Variants in PTPRN2 observed in about 807,000 individuals in gnomAD.
The protein encoded by PTPRN2 is receptor-type tyrosine-protein phosphatase N2.
PTPRN2 carries 74 observed loss-of-function variants against 118.8 expected under a neutral mutation model. The observed-to-expected ratio is 0.62, with a 90% confidence interval of 0.52 to 0.76. PTPRN2 has a LOEUF of 0.76. Among genes scored for constraint, PTPRN2 ranks in the 30% least tolerant of loss-of-function variants. The pLI, the probability that PTPRN2 is intolerant of heterozygous loss-of-function variation, is 0.00. For synonymous variants in PTPRN2, 641 were observed against 608.0 expected, an observed-to-expected ratio of 1.05 and a Z score of -0.80; for missense variants, 1,481 against 1,394.4, an observed-to-expected ratio of 1.06 and a Z score of -0.99.
rs117677081 is a variant in PTPRN2, at chr7:157,576,880, G to A, written c.2617-101C>T. On this transcript the variant is annotated intron_variant, in intron 18 of 22. Transcript: ENST00000389418. ...CCAGGGCCACGTCTGACCAGAGAAG[G>A]GGGCGCTGCGAAGAGGGCACATTTT... 3 of 1,215,806 alleles carry A rather than the reference G, an allele frequency of 2.5e-6. No homozygotes were observed. The African/African-American group carries it at 4.6e-5, about 19-fold the overall frequency. 75.3% of individuals were successfully genotyped at this position (1,215,806 alleles called of 1,614,324 possible). A position where few individuals can be genotyped will look rare whatever the true frequency, so the allele number is the denominator to read the frequency against.
intron 2 of PTPRN2, among the ~76,000 whole-genome samples, chr7:158,341,268 A>C (rs868621957): frequency 0.023 from 2,461 of 106,996 alleles, no homozygotes; most frequent in Middle Eastern, 0.044. Flanking sequence ...CGTCATTCAC[A>C]CCCACACTCT....
chr7:158,313,689 T>C (rs1201468191), intron 3 of PTPRN2, among the ~76,000 whole-genome samples: 4 of 152,250 alleles, frequency 2.6e-5, no homozygotes, highest in Admixed American at 1.3e-4. Context: ...GTGCCAGGAA[T>C]GTGGACATAG....
intron 11 of PTPRN2, among the ~76,000 whole-genome samples, chr7:157,941,856 G>A (rs1800150374): frequency 6.6e-6 from 1 of 152,106 alleles, no homozygotes; most frequent in South Asian, 2.1e-4. Context: ...AAGCCTCACT[G>A]TGTGGCCAGG....
At chr7:158,248,868 C>A (rs58058399) in intron 3 of PTPRN2, among the ~76,000 whole-genome samples, 1 of 10,456 alleles carries the variant, frequency 9.6e-5, no homozygotes, top group African/African-American at 5.6e-4. Context: ...ATGCACACAC[C>A]ACACATATGC....
intron 12 of PTPRN2, among the ~76,000 whole-genome samples, chr7:157,799,210 G>A (rs573306703): frequency 9.9e-5 from 15 of 152,108 alleles, no homozygotes; most frequent in African/African-American, 3.1e-4. Flanking sequence ...AGGCTGGAGC[G>A]TGGGTGGGAG....
At chr7:158,345,057 A>C (rs1807398571) in intron 2 of PTPRN2, among the ~76,000 whole-genome samples, 1 of 152,156 alleles carries the variant, frequency 6.6e-6, no homozygotes, top group African/African-American at 2.4e-5. Context: ...ATTCTGGAGG[A>C]TAAAATGTTG....
At chr7:158,254,661 T>C (rs543410906) in intron 3 of PTPRN2, among the ~76,000 whole-genome samples, 2 of 148,760 alleles carry the variant, frequency 1.3e-5, no homozygotes, top group East Asian at 4.2e-4. Flanking sequence ...CCGCCCTCCA[T>C]CTCCACGTTC....
chr7:158,290,195 G>GA (rs527465125), intron 3 of PTPRN2, among the ~76,000 whole-genome samples: 2 of 152,082 alleles, frequency 1.3e-5, no homozygotes, highest in East Asian at 3.9e-4. Flanking sequence ...AAAGGGGCTG[G>GA]CTGGCACCAG....
At chr7:158,121,427 A>T (rs1441969143) in intron 9 of PTPRN2, among the ~76,000 whole-genome samples, 1 of 152,088 alleles carries the variant, frequency 6.6e-6, no homozygotes, top group African/African-American at 2.4e-5. Context: ...TCCCCCTACA[A>T]ACTGCAAACT....
rs149465531 is a variant in PTPRN2 at position 157,913,576 on chromosome 7, T to C, written c.1724-14839A>G. The stretch of plus-strand genomic sequence containing the variant: ...AAATAAGAACAAACTAGTCTTACTT[T>C]ATTCAACATTTTTATTATGAATGAA... On this transcript the variant is annotated intron_variant, in intron 11 of 22. Transcript: ENST00000389418. Among the ~76,000 whole-genome samples, 9 of 152,390 alleles carry C rather than the reference T, an allele frequency of 5.9e-5. 1 individual carries two copies. In the East Asian group the frequency reaches 1.7e-3, roughly 29 times the overall value.
chr7:158,329,444 C>T (rs1206791806), intron 2 of PTPRN2, among the ~76,000 whole-genome samples: 8 of 152,296 alleles, frequency 5.3e-5, no homozygotes, highest in Middle Eastern at 3.4e-3. Context: ...TGTTAGCAGG[C>T]GGACGGCTGA....
At chr7:157,922,705 C>T (rs916884379) in intron 11 of PTPRN2, among the ~76,000 whole-genome samples, 3 of 152,166 alleles carry the variant, frequency 2.0e-5, no homozygotes, top group Non-Finnish European at 4.4e-5. Flanking sequence ...TCACCAGCGG[C>T]AATCGTCTTT....
chr7:157,779,998 T>C lies in PTPRN2; in HGVS notation c.1789-97061A>G, dbSNP rs998953445. On this transcript the variant is annotated intron_variant, in intron 12 of 22. Transcript: ENST00000389418. This position sits in a 1 kb window ranked among gnomAD's most constrained non-coding sequence, Gnocchi z 4.7. ...TGACCCCAGTTCCCAAGGTCCACAA[T>C]GTCCATGGAGAGTAGGATTTTACAC... Among the ~76,000 whole-genome samples the C allele has an allele frequency of 6.6e-6, 1 of 152,178 alleles. No individual in the cohort carries two copies. Among genetic ancestry groups the C allele is most frequent in the Non-Finnish European group, 1.5e-5 (1 of 68,026 alleles).
chr7:157,883,699 A>G (rs1796295840), intron 12 of PTPRN2, among the ~76,000 whole-genome samples: 1 of 150,950 alleles, frequency 6.6e-6, no homozygotes, highest in Non-Finnish European at 1.5e-5. Flanking sequence ...GTCAGAGACC[A>G]GAACACACCA....
intron 10 of PTPRN2, among the ~76,000 whole-genome samples, chr7:158,108,730 C>T (rs1407509000): frequency 6.6e-6 from 1 of 152,232 alleles, no homozygotes; most frequent in Non-Finnish European, 1.5e-5. Flanking sequence ...TCATGCATGT[C>T]CCCTAGTGCC....
chr7:158,369,249 T>TTATATATATA (rs770252182), intron 2 of PTPRN2, among the ~76,000 whole-genome samples: 9,540 of 143,538 alleles, frequency 0.066, 364 homozygotes, highest in African/African-American at 0.094. Context: ...AAACTCCCCT[T>TTATATATATA]TATATATATA....
At chr7:158,232,332 G>A (rs1047270546) in intron 3 of PTPRN2, among the ~76,000 whole-genome samples, 2 of 152,050 alleles carry the variant, frequency 1.3e-5, no homozygotes, top group Non-Finnish European at 2.9e-5. Flanking sequence ...ACAACTGCAT[G>A]CTAAGAAATG....
At chr7:158,070,944 G>A (rs1301956339) in intron 11 of PTPRN2, among the ~76,000 whole-genome samples, 1 of 131,768 alleles carries the variant, frequency 7.6e-6, no homozygotes, top group Admixed American at 7.3e-5. Context: ...GGTGGTGGAG[G>A]TGCCCGTGGT....
intron 2 of PTPRN2, among the ~76,000 whole-genome samples, chr7:158,323,843 C>A (rs145754723): frequency 6.6e-6 from 1 of 152,144 alleles, no homozygotes; most frequent in East Asian, 1.9e-4. Flanking sequence ...CGTGTGTACA[C>A]GGTGCATGTA....
Sources: allele counts gnomAD v4.1 joint callset (sites outside exome capture counted in the v4.1 genomes callset), GRCh38; gene constraint gnomAD v4.1.1; non-coding constraint Gnocchi (gnomAD v3.1); transcripts MANE v1.5; gene names NCBI Gene and HGNC (gene_info 2026-07-23, HGNC 2026-07-21).